Variants in SNX29 observed in about 807,000 individuals in gnomAD.
SNX29 encodes the protein sorting nexin 29, also known as sorting nexin-29.
Under a neutral mutation model 102.1 loss-of-function variants are expected in SNX29, and 78 were observed. The observed-to-expected ratio is 0.76, with a 90% CI of 0.64 to 0.92. The LOEUF (loss-of-function observed/expected upper bound fraction) is 0.92. Ranked by LOEUF, SNX29 falls within the 40% of genes least tolerant of loss-of-function variation. The pLI is 0.00. For synonymous variants in SNX29, 580 were observed against 414.5 expected, an observed-to-expected ratio of 1.40 and a Z score of -4.85; for missense variants, 1,280 against 1,061.7, an observed-to-expected ratio of 1.21 and a Z score of -2.86.
chr16:12,051,985 C>T lies in SNX29; in HGVS notation c.887C>T (p.Ser296Phe), dbSNP rs375429695. ...PGAGESSEDN[S>F]DRSSVNIMSA... ...GCAGGGGAGAGCTCAGAGGACAACT[C>T]CGACCGCTCCTCTGTCAATATCATG... The change falls in exon 8 of 21, where the codon TCC becomes TTC. Residue 296 changes from serine (S) to phenylalanine (F), a missense_variant. Coordinates refer to ENST00000566228, the MANE Select transcript of SNX29 (RefSeq NM_032167.5). 33 of 1,613,962 alleles carry T rather than the reference C, an allele frequency of 2.0e-5. No individual in the cohort carries two copies. In the East Asian group the frequency reaches 5.1e-4, roughly 25 times the overall value.
intron 3 of SNX29, among the ~76,000 whole-genome samples, chr16:12,005,988 G>A (rs2056438360): frequency 6.6e-6 from 1 of 152,096 alleles, no homozygotes; most frequent in South Asian, 2.1e-4. Flanking sequence ...AATTTAAAAA[G>A]TTAATTCTTT....
At chr16:11,989,004 A>G (rs1173136802) in intron 1 of SNX29, among the ~76,000 whole-genome samples, 2 of 151,552 alleles carry the variant, frequency 1.3e-5, no homozygotes, top group Admixed American at 6.6e-5. Context: ...ATGGAGTCAC[A>G]CTCTGTCGCC....
intron 15 of SNX29, among the ~76,000 whole-genome samples, chr16:12,296,849 G>C (rs916672118): frequency 6.6e-6 from 1 of 152,226 alleles, no homozygotes; most frequent in Non-Finnish European, 1.5e-5. Flanking sequence ...ACCTAGGTCA[G>C]GTGACTTGCT....
At chr16:12,546,144 A>C (rs548836939) in intron 20 of SNX29, 2 of 152,302 alleles carry the variant, frequency 1.3e-5, no homozygotes, top group East Asian at 3.9e-4. Flanking sequence ...CAGAGCTAAT[A>C]ACCTCCACCT....
chr16:12,013,500 A>AAAAAAAAAAATAT, intron 3 of SNX29, among the ~76,000 whole-genome samples: 38 of 31,606 alleles, frequency 1.2e-3, no homozygotes, highest in Non-Finnish European at 2.0e-3. Flanking sequence ...AAAAAAAAAA[A>AAAAAAAAAAATAT]ATATATATAT....
chr16:12,422,655 C>A (rs954498569), intron 18 of SNX29, among the ~76,000 whole-genome samples: 1 of 152,190 alleles, frequency 6.6e-6, no homozygotes, highest in East Asian at 1.9e-4. Flanking sequence ...TCTCCACTGT[C>A]CCATGCTCTC....
At chr16:12,362,209 C>G (rs1192198151) in intron 16 of SNX29, among the ~76,000 whole-genome samples, 1 of 152,176 alleles carries the variant, frequency 6.6e-6, no homozygotes, top group African/African-American at 2.4e-5. Context: ...TGCATAGTTT[C>G]CCGTTTTTGT....
chr16:12,071,415 A>G (rs953693838), intron 10 of SNX29, among the ~76,000 whole-genome samples: 26 of 152,146 alleles, frequency 1.7e-4, no homozygotes, highest in Non-Finnish European at 3.2e-4. Flanking sequence ...AGCACCATTT[A>G]TTAAATAGGG....
intron 18 of SNX29, among the ~76,000 whole-genome samples, chr16:12,472,403 C>T (rs1394812086): frequency 3.3e-5 from 5 of 151,874 alleles, no homozygotes; most frequent in Admixed American, 6.6e-5. Context: ...CCTGTAATCC[C>T]AGCTACTCAG....
intron 20 of SNX29, among the ~76,000 whole-genome samples, chr16:12,564,577 G>C (rs1002430831): frequency 6.6e-6 from 1 of 152,150 alleles, no homozygotes; most frequent in African/African-American, 2.4e-5. Context: ...TTGCCATCCA[G>C]ACGCCCCTTT....
chr16:11,996,823 C>G (rs1334787379), intron 1 of SNX29, among the ~76,000 whole-genome samples: 1 of 152,184 alleles, frequency 6.6e-6, no homozygotes, highest in East Asian at 1.9e-4. Flanking sequence ...CCAGATGGGT[C>G]TATAGCCATC....
chr16:12,412,269 T>G (rs978115642), intron 18 of SNX29, among the ~76,000 whole-genome samples: 1 of 152,246 alleles, frequency 6.6e-6, no homozygotes, highest in African/African-American at 2.4e-5. Context: ...GCTGTGACTC[T>G]GGGTTGAATG....
rs184865844 is a variant in SNX29 at position 12,409,921 on chromosome 16, C to T, written c.2037+6392C>T. On this transcript the variant is annotated intron_variant, in intron 18 of 20. Coordinates refer to ENST00000566228, the MANE Select transcript of SNX29 (RefSeq NM_032167.5). ...TGGCTGTTGTACAATATTTCATTTG[C>T]GCAACAGAACCGATTAGATCTTCTT... Among the ~76,000 whole-genome samples the T allele has an allele frequency of 2.5e-4, 38 of 152,302 alleles. 1 individual carries two copies. The highest frequency in any genetic ancestry group is 1.6e-3 in the Admixed American group (24 of 15,302).
chr16:12,068,020 G>A (rs1010312452), intron 9 of SNX29, among the ~76,000 whole-genome samples: 30 of 152,126 alleles, frequency 2.0e-4, no homozygotes, highest in Admixed American at 1.9e-3. Flanking sequence ...TTAGAAAGCC[G>A]CAGACATTGT....
chr16:12,182,596 C>T (rs559263825), intron 13 of SNX29, among the ~76,000 whole-genome samples: 16 of 152,116 alleles, frequency 1.1e-4, no homozygotes, highest in African/African-American at 3.6e-4. Flanking sequence ...CAACCAGTTA[C>T]CTCTAGCCTG....
In SNX29 at chr16:12,568,362, G is replaced by A. The variant is rs1054562947; in HGVS notation, c.2319-144G>A. On this transcript the variant is annotated intron_variant, in intron 20 of 20. Transcript: ENST00000566228. ...ATAGGGGTTTCTCATTTCTTCAGGT[G>A]GCACCAGTTAGAGGCAGATCCAATG... 6.5e-6 allele frequency: 7 copies of A among 1,084,388 alleles called. No homozygotes were observed. In the African/African-American group the frequency reaches 9.6e-5, roughly 15 times the overall value. 67.2% of individuals were successfully genotyped at this position (1,084,388 alleles called of 1,614,324 possible).
intron 10 of SNX29, among the ~76,000 whole-genome samples, chr16:12,073,608 T>G (rs900146803): frequency 2.6e-5 from 4 of 152,198 alleles, no homozygotes; most frequent in African/African-American, 2.4e-5. Flanking sequence ...AATTTTGGAA[T>G]AGATGTGGTG....
intron 20 of SNX29, among the ~76,000 whole-genome samples, chr16:12,563,561 C>A (rs375249094): frequency 6.6e-6 from 1 of 152,126 alleles, no homozygotes. Context: ...AGGGGTCTAC[C>A]CCACCCCTTT....
At chr16:12,399,416 A>G (rs1213550478) in intron 17 of SNX29, among the ~76,000 whole-genome samples, 2 of 152,154 alleles carry the variant, frequency 1.3e-5, no homozygotes, top group Non-Finnish European at 2.9e-5. Context: ...AAGGAAATGG[A>G]TAAGTTGTCT....
Sources: allele counts gnomAD v4.1 joint callset (sites outside exome capture counted in the v4.1 genomes callset), GRCh38; gene constraint gnomAD v4.1.1; transcripts MANE v1.5; gene names NCBI Gene and HGNC (gene_info 2026-07-23, HGNC 2026-07-21).